DAB1: variants seen among roughly 807,000 people sequenced by gnomAD.
DAB1 encodes the protein disabled homolog 1.
Under a neutral mutation model 64.6 loss-of-function variants are expected in DAB1, and 15 were observed. The ratio of observed to expected loss-of-function variants is 0.23; its 90% CI spans 0.16 to 0.36. The LOEUF (loss-of-function observed/expected upper bound fraction) is 0.36, where lower values mean the gene tolerates loss of function less well. Ranked by LOEUF, DAB1 falls within the 10% of genes least tolerant of loss-of-function variation. DAB1 has a pLI of 1.00. For synonymous variants in DAB1, 235 were observed against 251.9 expected (o/e 0.93, Z 0.64); for missense variants, 596 against 706.7 (o/e 0.84, Z 1.78).
At chr1:58,170,990 G>A (rs13374821) in intron 4 of DAB1, among the ~76,000 whole-genome samples, 2,252 of 150,922 alleles carry the variant, frequency 0.015, 43 homozygotes, top group African/African-American at 0.051. Flanking sequence ...CTCAAGGTCC[G>A]TTACCATCCG....
chr1:57,694,512 G>A (rs370904463), intron 6 of DAB1, among the ~76,000 whole-genome samples: 16 of 152,150 alleles, frequency 1.1e-4, no homozygotes, highest in African/African-American at 3.9e-4. Flanking sequence ...AGATATAGAG[G>A]TAACCTGCAG....
intron 6 of DAB1, among the ~76,000 whole-genome samples, chr1:57,722,442 A>G (rs1015161058): frequency 1.2e-4 from 19 of 152,198 alleles, no homozygotes; most frequent in Non-Finnish European, 2.1e-4. Flanking sequence ...TTGTGCCCTT[A>G]AAAGGCTTGA....
intron 1 of DAB1, among the ~76,000 whole-genome samples, chr1:58,539,752 A>C (rs542975182): frequency 1.3e-5 from 2 of 152,306 alleles, no homozygotes; most frequent in East Asian, 3.9e-4. Context: ...AACAGATGGG[A>C]AACAGAGCCC....
At chr1:57,072,538 C>A (rs1651582271) in intron 4 of DAB1, 124 bp from the exon 5 acceptor site, 1 of 980,138 alleles carries the variant, frequency 1.0e-6, no homozygotes, top group South Asian at 1.7e-5. Flanking sequence ...GCTGTTTAGT[C>A]CAGATGGAAA....
intron 3 of DAB1, among the ~76,000 whole-genome samples, chr1:58,378,858 C>G (rs557379273): frequency 6.4e-5 from 6 of 93,276 alleles, no homozygotes; most frequent in African/African-American, 3.9e-4. Flanking sequence ...ACCCTCCGAG[C>G]CAGGTGTGGG....
intron 2 of DAB1, among the ~76,000 whole-genome samples, chr1:57,167,627 A>G (rs1661327921): frequency 6.6e-6 from 1 of 152,132 alleles, no homozygotes. Flanking sequence ...TCACATCTGA[A>G]TGTTTTACAA....
At chr1:57,927,498 A>G (rs1644895690) in intron 5 of DAB1, among the ~76,000 whole-genome samples, 1 of 152,138 alleles carries the variant, frequency 6.6e-6, no homozygotes, top group Non-Finnish European at 1.5e-5. Context: ...GTGACAGAGC[A>G]AGACTCTGTC....
chr1:57,311,428 T>C (rs1316282905), intron 1 of DAB1, among the ~76,000 whole-genome samples: 1 of 123,048 alleles, frequency 8.1e-6, no homozygotes, highest in African/African-American at 3.5e-5. Context: ...AAGCTTAGAA[T>C]GTGAAAATGA....
At chr1:57,320,156 G>A (rs925116491) in intron 1 of DAB1, among the ~76,000 whole-genome samples, 2 of 152,190 alleles carry the variant, frequency 1.3e-5, no homozygotes, top group Non-Finnish European at 2.9e-5. Flanking sequence ...GAAGGACCTA[G>A]TGGGAGAGGA....
At chr1:58,278,191 G>T (rs1661497645) in intron 4 of DAB1, among the ~76,000 whole-genome samples, 1 of 152,170 alleles carries the variant, frequency 6.6e-6, no homozygotes, top group Admixed American at 6.5e-5. Context: ...CTGTTCTCAT[G>T]ATAGCGAGCT....
intron 9 of DAB1, among the ~76,000 whole-genome samples, chr1:57,043,693 A>C (rs577285874): frequency 6.6e-6 from 1 of 152,252 alleles, no homozygotes; most frequent in African/African-American, 2.4e-5. Context: ...CTAAAAATAC[A>C]AAAATTAGCT....
chr1:57,801,465 A>AG (rs1376884378), intron 6 of DAB1, among the ~76,000 whole-genome samples: 2 of 152,198 alleles, frequency 1.3e-5, no homozygotes, highest in African/African-American at 4.8e-5. Flanking sequence ...ATTCAGTGGC[A>AG]TGAAAAAATA....
intron 5 of DAB1, among the ~76,000 whole-genome samples, chr1:57,933,377 G>A (rs1353619893): frequency 1.3e-5 from 2 of 152,160 alleles, no homozygotes; most frequent in Admixed American, 1.3e-4. Flanking sequence ...TTAGGATAAA[G>A]TGGCATCTTC....
chr1:58,380,805 T>C (rs569655617), intron 3 of DAB1, among the ~76,000 whole-genome samples: 1 of 152,212 alleles, frequency 6.6e-6, no homozygotes, highest in African/African-American at 2.4e-5. Flanking sequence ...ATGGAGTAAA[T>C]TAAAGGAGCA....
rs190599008 is a variant in DAB1 at position 58,051,447 on chromosome 1, T to C, written n.387+99064A>G. Among the ~76,000 whole-genome samples the C allele has an allele frequency of 8.3e-4, 126 of 152,344 alleles. 2 individuals carry two copies. The highest frequency in any genetic ancestry group is 1.5e-3 in the Non-Finnish European group (104 of 68,028). On this transcript the variant is annotated intron_variant and non_coding_transcript_variant, in intron 5 of 20. Transcript: ENST00000485760. ...CCAATTTTCTTAATCCAGTCTATTA[T>C]TGATGGACATTTGGGTTGGTTCCAA...
intron 1 of DAB1, among the ~76,000 whole-genome samples, chr1:57,394,455 T>C (rs989139728): frequency 1.3e-5 from 2 of 152,246 alleles, no homozygotes; most frequent in African/African-American, 4.8e-5. Flanking sequence ...TTTCAGGTCC[T>C]GAACTAGCTT....
At chr1:57,854,223 C>CT (rs968644648) in intron 1 of DAB1, among the ~76,000 whole-genome samples, 2 of 152,066 alleles carry the variant, frequency 1.3e-5, no homozygotes, top group African/African-American at 4.8e-5. Context: ...ACTTTCTTGA[C>CT]TTTTTTCTTT....
At chr1:57,572,291 G>A (rs768365190) in intron 7 of DAB1, among the ~76,000 whole-genome samples, 21 of 152,148 alleles carry the variant, frequency 1.4e-4, no homozygotes, top group Non-Finnish European at 2.1e-4. Flanking sequence ...GTGGGATCTT[G>A]AGCATGTCAT....
chr1:58,248,101 C>T (rs1250210916), intron 4 of DAB1, among the ~76,000 whole-genome samples: 1 of 151,596 alleles, frequency 6.6e-6, no homozygotes, highest in Non-Finnish European at 1.5e-5. Flanking sequence ...AAAAAAAAAT[C>T]TTGTCAAAGA....
Sources: gnomAD v4.1 joint callset for allele counts (sites outside exome capture counted in the v4.1 genomes callset) on GRCh38, gnomAD v4.1.1 for gene constraint, MANE v1.5 for transcripts, NCBI Gene and HGNC (gene_info 2026-07-23, HGNC 2026-07-21) for gene names.